B3GLCT: variants seen among roughly 807,000 people sequenced by gnomAD.
B3GLCT encodes the protein beta-1,3-glucosyltransferase.
B3GLCT carries 65 observed loss-of-function variants against 63.4 expected under a neutral mutation model. The observed-to-expected ratio is 1.03, with a 90% CI of 0.84 to 1.26. The LOEUF (loss-of-function observed/expected upper bound fraction) is 1.26. Among genes scored for constraint, B3GLCT ranks in the 50% most tolerant of loss-of-function variants. The pLI, the probability that B3GLCT is intolerant of heterozygous loss-of-function variation, is 0.00. For missense variants in B3GLCT, 577 were observed against 604.8 expected (o/e 0.95, Z 0.48); for synonymous variants, 233 against 219.2 (o/e 1.06, Z -0.55).
At chr13:31,264,201 A>G (rs947113696) in intron 7 of B3GLCT, among the ~76,000 whole-genome samples, 1 of 152,156 alleles carries the variant, frequency 6.6e-6, no homozygotes, top group Non-Finnish European at 1.5e-5. Context: ...ACTTCAGCCT[A>G]TGAATTTGAG....
At chr13:31,206,311 A>T (rs1868948159) in intron 1 of B3GLCT, among the ~76,000 whole-genome samples, 1 of 152,190 alleles carries the variant, frequency 6.6e-6, no homozygotes, top group East Asian at 1.9e-4. Context: ...AGATTTTCTG[A>T]TTCAGAAGAT....
In B3GLCT at chr13:31,329,704, A is replaced by G. The variant is rs112937254; in HGVS notation, c.*36A>G. On this transcript the variant is annotated 3_prime_UTR_variant, in exon 15 of 15. Transcript: ENST00000343307. ...CCTGTGCGCCTAGCCTGCGCAGGGA[A>G]TGAACTGGAGACTGTGGCCTCATCC... 0.19 allele frequency: 312,642 copies of G among 1,610,016 alleles called. 33,877 individuals are homozygous for G. The highest frequency in any genetic ancestry group is 0.22 in the Non-Finnish European group (262,977 of 1,177,224).
At chr13:31,252,776 C>T (rs1038850715) in intron 6 of B3GLCT, among the ~76,000 whole-genome samples, 1 of 152,140 alleles carries the variant, frequency 6.6e-6, no homozygotes, top group Non-Finnish European at 1.5e-5. Flanking sequence ...GACTTTAACA[C>T]CCCACTGTCA....
intron 14 of B3GLCT, among the ~76,000 whole-genome samples, chr13:31,324,701 C>CT (rs367763508): frequency 2.0e-5 from 3 of 152,108 alleles, no homozygotes; most frequent in South Asian, 2.1e-4. Flanking sequence ...ATTGAAAATA[C>CT]TTTTTTTATG....
At chr13:31,313,874 C>T (rs1487507782) in intron 12 of B3GLCT, among the ~76,000 whole-genome samples, 2 of 152,100 alleles carry the variant, frequency 1.3e-5, no homozygotes, top group East Asian at 1.9e-4. Flanking sequence ...TGGTTTGTTT[C>T]GTGGGCTGGA....
intron 12 of B3GLCT, among the ~76,000 whole-genome samples, chr13:31,291,343 G>GT (rs1873648290): frequency 1.3e-5 from 2 of 152,164 alleles, no homozygotes; most frequent in East Asian, 1.9e-4. Flanking sequence ...ATTTAAAATA[G>GT]TTTTTTCTAA....
intron 11 of B3GLCT, 61 bp downstream of exon 11, chr13:31,284,822 T>C (rs1449560994): frequency 1.2e-5 from 12 of 991,398 alleles, no homozygotes; most frequent in Non-Finnish European, 1.8e-5. Context: ...ATACAGTAAA[T>C]TAGGTTAGGA....
chr13:31,242,208 T>A (rs1870988260), intron 4 of B3GLCT, among the ~76,000 whole-genome samples: 1 of 152,154 alleles, frequency 6.6e-6, no homozygotes, highest in Non-Finnish European at 1.5e-5. Context: ...GGGGCCATGA[T>A]CCCTCGTGCA....
intron 13 of B3GLCT, among the ~76,000 whole-genome samples, chr13:31,322,924 C>T (rs1395180312): frequency 1.3e-5 from 2 of 152,176 alleles, no homozygotes; most frequent in East Asian, 1.9e-4. Context: ...GGAGGTTTCA[C>T]TGTGGACAGC....
intron 7 of B3GLCT, among the ~76,000 whole-genome samples, chr13:31,266,858 C>G (rs899871607): frequency 2.6e-5 from 4 of 152,168 alleles, no homozygotes; most frequent in South Asian, 4.1e-4. Flanking sequence ...GCAACCTCTA[C>G]TTCCCGAGTT....
chr13:31,312,480 T>C (rs573473942), intron 12 of B3GLCT: 31 of 152,092 alleles, frequency 2.0e-4, no homozygotes, highest in Middle Eastern at 3.4e-3. Flanking sequence ...AGAGTAAAAA[T>C]AGAAAGCCCC....
intron 13 of B3GLCT, among the ~76,000 whole-genome samples, chr13:31,322,317 A>G (rs983708924): frequency 1.3e-5 from 2 of 152,250 alleles, no homozygotes; most frequent in African/African-American, 4.8e-5. Context: ...TTTCTCATGC[A>G]TGTTCCCTTC....
At chr13:31,269,103 T>C (rs1447942860) in intron 7 of B3GLCT, 111 bp from the exon 8 acceptor site, 1 of 778,082 alleles carries the variant, frequency 1.3e-6, no homozygotes, top group Admixed American at 2.2e-5. Context: ...TATTTTTATC[T>C]TTAAATCTGT....
At chr13:31,256,420 G>T (rs1264101884) in intron 6 of B3GLCT, among the ~76,000 whole-genome samples, 1 of 152,112 alleles carries the variant, frequency 6.6e-6, no homozygotes, top group African/African-American at 2.4e-5. Flanking sequence ...TCCCATTACT[G>T]GGTATATACC....
chr13:31,249,791 T>C (rs1871345581), intron 6 of B3GLCT, among the ~76,000 whole-genome samples: 1 of 152,198 alleles, frequency 6.6e-6, no homozygotes. Flanking sequence ...GATTATATGA[T>C]GTTGAAGTTA....
At chr13:31,215,209 A>T in intron 2 of B3GLCT, 109 bp downstream of exon 2, 1 of 1,120,440 alleles carries the variant, frequency 8.9e-7, no homozygotes. Flanking sequence ...TTATTGTTAC[A>T]TAATTCATAT....
In B3GLCT at chr13:31,330,236, A is replaced by T. The variant is rs1875847998; in HGVS notation, c.*568A>T. The T allele has an allele frequency of 6.5e-6, 1 of 153,136 alleles. No individual in the cohort carries two copies. The highest frequency in any genetic ancestry group is 1.5e-5 in the Non-Finnish European group (1 of 68,738). 9.5% of individuals were successfully genotyped at this position (153,136 alleles called of 1,614,324 possible). A position where few individuals can be genotyped will look rare whatever the true frequency, so the allele number is the denominator to read the frequency against. On this transcript the variant is annotated 3_prime_UTR_variant, in exon 15 of 15. Coordinates refer to ENST00000343307, the MANE Select transcript of B3GLCT (RefSeq NM_194318.4). ...CATAAAACATCATGAAACCCTAGAT[A>T]TGAAATCCCCTGAAGTCTGTAATCA...
chr13:31,253,614 A>AAAAAAAAAC (rs1871556391), intron 6 of B3GLCT, among the ~76,000 whole-genome samples: 3 of 62,874 alleles, frequency 4.8e-5, no homozygotes, highest in Non-Finnish European at 9.0e-5. Context: ...AAAAAAAAAA[A>AAAAAAAAAC]AAAAAAACTA....
chr13:31,217,383 C>T (rs1869613119), intron 2 of B3GLCT, among the ~76,000 whole-genome samples: 1 of 152,168 alleles, frequency 6.6e-6, no homozygotes. Flanking sequence ...TATTTTCTCC[C>T]ATTCTGTAGG....
Sources: gnomAD v4.1 joint callset for allele counts (sites outside exome capture counted in the v4.1 genomes callset) on GRCh38, gnomAD v4.1.1 for gene constraint, MANE v1.5 for transcripts, NCBI Gene and HGNC (gene_info 2026-07-23, HGNC 2026-07-21) for gene names.